DUSP29: variants seen among roughly 807,000 people sequenced by gnomAD.
DUSP29 encodes atypical dual-specific protein phosphatase.
Under a neutral mutation model 13.5 loss-of-function variants are expected in DUSP29, and 12 were observed. The ratio of observed to expected loss-of-function variants is 0.89; its 90% CI spans 0.57 to 1.44. DUSP29 has a LOEUF of 1.44. DUSP29 is among the 40% of genes most tolerant of loss of function. DUSP29 has a pLI of 0.00. For synonymous variants in DUSP29, 134 were observed against 128.7 expected, an observed-to-expected ratio of 1.04 and a Z score of -0.28; for missense variants, 308 against 301.1, an observed-to-expected ratio of 1.02 and a Z score of -0.17.
At chr10:75,065,703 T>C (rs1230859931) in intron 1 of DUSP29, among the ~76,000 whole-genome samples, 2 of 151,556 alleles carry the variant, frequency 1.3e-5, no homozygotes, top group Admixed American at 6.6e-5. Context: ...TTTTTTTTTT[T>C]CCGTAGAGAC....
chr10:75,044,025 C>T lies in DUSP29; in HGVS notation c.201-8G>A. The T allele has an allele frequency of 6.2e-7, 1 of 1,603,998 alleles. No individual in the cohort carries two copies. Among genetic ancestry groups the T allele is most frequent in the Non-Finnish European group, 8.5e-7 (1 of 1,175,508 alleles). On this transcript the variant is annotated splice_region_variant and splice_polypyrimidine_tract_variant and intron_variant, in intron 2 of 3. Coordinates refer to ENST00000338487, the MANE Select transcript of DUSP29 (RefSeq NM_001003892.3). ...CGGTCCAGCGCCGTCGCCCTGGGCG[C>T]AGGGGAGAGAAATCTGTGGGCGCGC...
chr10:75,055,445 T>C (rs1026215697), intron 2 of DUSP29, among the ~76,000 whole-genome samples: 4 of 152,024 alleles, frequency 2.6e-5, no homozygotes, highest in Non-Finnish European at 5.9e-5. Context: ...ACAAGTACAA[T>C]TTGGATGAAC....
intron 2 of DUSP29, among the ~76,000 whole-genome samples, chr10:75,047,881 A>G (rs2134286639): frequency 6.6e-6 from 1 of 152,308 alleles, no homozygotes; most frequent in African/African-American, 2.4e-5. Context: ...TTCTCTATGC[A>G]TAGATTTGTA....
At chr10:75,039,749 T>C (rs1245769364) in intron 3 of DUSP29, among the ~76,000 whole-genome samples, 1 of 152,204 alleles carries the variant, frequency 6.6e-6, no homozygotes, top group Non-Finnish European at 1.5e-5. Context: ...CCTTTCTTAG[T>C]AACTTGCAAA....
chr10:75,043,344 T>C (rs536799207), intron 3 of DUSP29, among the ~76,000 whole-genome samples: 1 of 152,342 alleles, frequency 6.6e-6, no homozygotes, highest in Non-Finnish European at 1.5e-5. Flanking sequence ...CCAGGCACAA[T>C]TAGTGTCTCC....
intron 2 of DUSP29, among the ~76,000 whole-genome samples, chr10:75,046,170 T>G (rs1292948898): frequency 6.6e-6 from 1 of 151,714 alleles, no homozygotes; most frequent in Non-Finnish European, 1.5e-5. Context: ...CTGGCTGATG[T>G]GTGGGGATCC....
intron 2 of DUSP29, among the ~76,000 whole-genome samples, chr10:75,055,380 A>C (rs1002706394): frequency 6.6e-6 from 1 of 152,230 alleles, no homozygotes; most frequent in Non-Finnish European, 1.5e-5. Context: ...TTAGACTTAC[A>C]GAAACGTGCA....
At chr10:75,060,162 AAAT>A (rs764020329) in intron 1 of DUSP29, among the ~76,000 whole-genome samples, 2 of 151,606 alleles carry the variant, frequency 1.3e-5, no homozygotes, top group South Asian at 2.1e-4. Context: ...CTCCATCTCA[AAAT>A]AATAATAATA....
chr10:75,043,405 G>A (rs1331991998), intron 3 of DUSP29, among the ~76,000 whole-genome samples: 2 of 152,208 alleles, frequency 1.3e-5, no homozygotes, highest in Non-Finnish European at 2.9e-5. Context: ...CCTTTTGAAG[G>A]ATGGCAAATG....
intron 1 of DUSP29, among the ~76,000 whole-genome samples, chr10:75,067,469 C>G (rs1847230115): frequency 6.6e-6 from 1 of 152,126 alleles, no homozygotes; most frequent in Admixed American, 6.5e-5. Context: ...TTAGCTTGGT[C>G]TTAGTCTAAC....
chr10:75,065,706 G>A (rs1016458001), intron 1 of DUSP29, among the ~76,000 whole-genome samples: 4 of 145,258 alleles, frequency 2.8e-5, no homozygotes, highest in Non-Finnish European at 4.5e-5. Context: ...TTTTTTTTCC[G>A]TAGAGACAGG....
intron 1 of DUSP29, among the ~76,000 whole-genome samples, chr10:75,073,211 C>T (rs968573876): frequency 3.3e-5 from 5 of 152,244 alleles, no homozygotes; most frequent in East Asian, 3.9e-4. Context: ...CTCTCGCCCC[C>T]GAGATTTCTC....
chr10:75,043,487 C>G (rs927064767), intron 3 of DUSP29, among the ~76,000 whole-genome samples: 10 of 152,238 alleles, frequency 6.6e-5, no homozygotes, highest in Non-Finnish European at 1.3e-4. Context: ...GAGCTGCAAT[C>G]AAGGCCCGAA....
Position 75,040,733 on chromosome 10 carries a change from C to A in DUSP29, c.422-2656G>T, listed in dbSNP as rs1194948727. 2.0e-5 allele frequency among the ~76,000 whole-genome samples: 3 copies of A among 152,136 alleles called. No individual in the cohort carries two copies. The East Asian group carries it at 5.8e-4, about 29-fold the overall frequency. The stretch of plus-strand genomic sequence containing the variant: ...GCGCTGCCTCTGATTAGCTCTGTGA[C>A]CCTGGGCACCTCACTTGTCTTCTCT... On this transcript the variant is annotated intron_variant, in intron 3 of 3. Coordinates refer to ENST00000338487, the MANE Select transcript of DUSP29 (RefSeq NM_001003892.3).
intron 3 of DUSP29, among the ~76,000 whole-genome samples, chr10:75,040,267 G>C (rs569018688): frequency 7.9e-5 from 12 of 152,284 alleles, no homozygotes; most frequent in East Asian, 1.9e-4. Context: ...TTGAAAGCAG[G>C]CTTCATTTAT....
At chr10:75,056,484 C>A (rs1358135446) in intron 2 of DUSP29, among the ~76,000 whole-genome samples, 2 of 148,942 alleles carry the variant, frequency 1.3e-5, no homozygotes, top group African/African-American at 5.0e-5. Flanking sequence ...GCCGAGATTG[C>A]GCCATTGAGG....
At chr10:75,047,042 A>T (rs957122299) in intron 2 of DUSP29, among the ~76,000 whole-genome samples, 1 of 151,942 alleles carries the variant, frequency 6.6e-6, no homozygotes, top group Non-Finnish European at 1.5e-5. Context: ...ATGCAACAAG[A>T]CTCATTGCCT....
intron 2 of DUSP29, among the ~76,000 whole-genome samples, chr10:75,054,157 TGAG>T (rs1391308787): frequency 6.6e-6 from 1 of 152,168 alleles, no homozygotes; most frequent in East Asian, 1.9e-4. Flanking sequence ...GACTTGGACA[TGAG>T]GTGCAGGGAA....
At chr10:75,066,295 C>T (rs1847199067) in intron 1 of DUSP29, among the ~76,000 whole-genome samples, 1 of 151,968 alleles carries the variant, frequency 6.6e-6, no homozygotes, top group South Asian at 2.1e-4. Flanking sequence ...TTCAACTTGG[C>T]AGTGCCCCAT....
Sources: gnomAD v4.1 joint callset for allele counts (sites outside exome capture counted in the v4.1 genomes callset) on GRCh38, gnomAD v4.1.1 for gene constraint, MANE v1.5 for transcripts, NCBI Gene and HGNC (gene_info 2026-07-23, HGNC 2026-07-21) for gene names.